Variants in HSD17B2 observed in about 807,000 individuals in gnomAD.
HSD17B2 encodes the protein hydroxysteroid 17-beta dehydrogenase 2.
Under a neutral mutation model 26.9 loss-of-function variants are expected in HSD17B2, and 32 were observed. The ratio of observed to expected loss-of-function variants is 1.19; its 90% CI spans 0.90 to 1.60. HSD17B2 has a LOEUF of 1.60. HSD17B2 is among the 40% of genes most tolerant of loss of function. The probability of loss-of-function intolerance (pLI) is 0.00; values close to 1 mark genes in which losing one functional copy is unlikely to be tolerated. For synonymous variants in HSD17B2, 246 were observed against 186.7 expected, an observed-to-expected ratio of 1.32 and a Z score of -2.59; for missense variants, 613 against 468.6, an observed-to-expected ratio of 1.31 and a Z score of -2.85.
At chr16:82,054,728 C>G (rs976384055) in intron 1 of HSD17B2, among the ~76,000 whole-genome samples, 3 of 152,322 alleles carry the variant, frequency 2.0e-5, no homozygotes, top group African/African-American at 7.2e-5. Flanking sequence ...TCTTCCCACT[C>G]CCACTTCATC....
At chr16:82,074,189 T>C (rs1198731251) in intron 3 of HSD17B2, among the ~76,000 whole-genome samples, 2 of 152,228 alleles carry the variant, frequency 1.3e-5, no homozygotes, top group Admixed American at 6.5e-5. Flanking sequence ...CTTTCTGCCC[T>C]AGTCTTTTGA....
At chr16:82,036,315 CTTG>C (rs1186395102) in intron 1 of HSD17B2, among the ~76,000 whole-genome samples, 1 of 118,414 alleles carries the variant, frequency 8.4e-6, no homozygotes, top group East Asian at 2.3e-4. Flanking sequence ...CAGTTTTTCC[CTTG>C]TTTGTGTGTG....
intron 1 of HSD17B2, among the ~76,000 whole-genome samples, chr16:82,064,231 A>G (rs1914518506): frequency 6.6e-6 from 1 of 152,190 alleles, no homozygotes; most frequent in Non-Finnish European, 1.5e-5. Context: ...AAGGAAAAGG[A>G]GTCAAGATCA....
intron 1 of HSD17B2, among the ~76,000 whole-genome samples, chr16:82,043,268 G>T (rs1294534432): frequency 6.6e-6 from 1 of 152,174 alleles, no homozygotes; most frequent in Non-Finnish European, 1.5e-5. Flanking sequence ...CCCCAGGCAG[G>T]ATCTGGCCAC....
chr16:82,035,545 C>T lies in HSD17B2; in HGVS notation c.121C>T (p.Leu41=), dbSNP rs532328439. The T allele has an allele frequency of 1.6e-5, 26 of 1,614,078 alleles. No homozygotes were observed. Among genetic ancestry groups the T allele is most frequent in the East Asian group, 1.6e-4 (7 of 44,856 alleles). ...SGQLWSWMVC[L]AGLCAVCLLI... is the part of the protein sequence containing the mutation. ...GCAGCTGTGGAGCTGGATGGTCTGC[C>T]TGGCAGGCCTCTGTGCAGTCTGCCT... The change falls in exon 1 of 5, where the codon CTG becomes TTG. Residue 41 remains leucine (L), a synonymous_variant. Transcript: ENST00000199936.
chr16:82,089,200 A>T (rs1039221720), intron 3 of HSD17B2, among the ~76,000 whole-genome samples: 16 of 152,190 alleles, frequency 1.1e-4, no homozygotes, highest in Non-Finnish European at 4.4e-5. Context: ...TGAACTTTAC[A>T]TGAAGGGAAT....
chr16:82,071,337 C>T, intron 3 of HSD17B2: 1 of 621,326 alleles, frequency 1.6e-6, no homozygotes, highest in East Asian at 2.8e-5. Context: ...TGCCTTCTAA[C>T]TCATCCATTT....
At chr16:82,041,319 G>A (rs1567576225) in intron 1 of HSD17B2, among the ~76,000 whole-genome samples, 1 of 152,168 alleles carries the variant, frequency 6.6e-6, no homozygotes, top group Admixed American at 6.5e-5. Flanking sequence ...TCGTTAGTTG[G>A]ACACAATAGG....
Position 82,071,031 on chromosome 16 carries a change from G to T in HSD17B2, c.568G>T (p.Ala190Ser), listed in dbSNP as rs757416170. 1 of 1,614,208 alleles carries T rather than the reference G, an allele frequency of 6.2e-7. No individual in the cohort carries two copies. Among genetic ancestry groups the T allele is most frequent in the East Asian group, 2.2e-5 (1 of 44,886 alleles). The change falls in exon 3 of 5, where the codon GCC becomes TCC. Residue 190 changes from alanine (A) to serine (S), a missense_variant. Transcript: ENST00000199936. ...LLMTDYKQCM[A>S]VNFFGTVEVT... ...TATGACTGACTACAAACAATGCATG[G>T]CCGTGAACTTCTTTGGAACTGTGGA...
Position 82,068,203 on chromosome 16 carries a change from A to C in HSD17B2, c.299A>C (p.Lys100Thr). 1 of 1,614,040 alleles carries C rather than the reference A, an allele frequency of 6.2e-7. No homozygotes were observed. The highest frequency in any genetic ancestry group is 8.5e-7 in the Non-Finnish European group (1 of 1,180,008). The change falls in exon 2 of 5, where the codon AAG (lysine) becomes ACG (threonine). Residue 100 changes from lysine to threonine, a missense_variant. By Grantham distance (78) the Lys-to-Thr change is moderately conservative (BLOSUM62 -1). Transcript: ENST00000199936. Reference sequence around the variant, plus strand: ...TGCGGGCTTGGCCATGCTTTGTGCAAGTATCTGGATGAGCTGGGCTTCACG... The same window carrying C: ...TGCGGGCTTGGCCATGCTTTGTGCACGTATCTGGATGAGCTGGGCTTCACG... ...GDCGLGHALCKYLDELGFTVF... is the reference protein window; with the variant it reads ...GDCGLGHALCTYLDELGFTVF...
intron 2 of HSD17B2, among the ~76,000 whole-genome samples, chr16:82,070,368 C>G (rs902091538): frequency 6.6e-6 from 1 of 152,206 alleles, no homozygotes. Context: ...CGACTTAGCA[C>G]AGACCCTCAC....
chr16:82,091,515 A>G (rs1904693973), intron 4 of HSD17B2: 1 of 166,954 alleles, frequency 6.0e-6, no homozygotes, highest in Non-Finnish European at 1.3e-5. Flanking sequence ...TTTACAATTT[A>G]AAGTTCTTTT....
intron 2 of HSD17B2, among the ~76,000 whole-genome samples, 154 bp downstream of exon 2, chr16:82,068,536 A>G (rs1034268075): frequency 1.3e-5 from 2 of 152,062 alleles, no homozygotes; most frequent in Non-Finnish European, 2.9e-5. Flanking sequence ...GGGGGCCTCT[A>G]TCAACATGAA....
intron 3 of HSD17B2, among the ~76,000 whole-genome samples, chr16:82,084,294 G>C (rs1216586846): frequency 6.6e-6 from 1 of 152,066 alleles, no homozygotes; most frequent in East Asian, 1.9e-4. Flanking sequence ...GTGTTTAACA[G>C]CATATGTGTC....
In HSD17B2 at chr16:82,088,302, C is replaced by T. The variant is rs537616739; in HGVS notation, c.665-2600C>T. 2.6e-5 allele frequency among the ~76,000 whole-genome samples: 4 copies of T among 152,264 alleles called. No individual in the cohort carries two copies. In the South Asian group the frequency reaches 8.3e-4, roughly 32 times the overall value. Reference sequence around the variant, plus strand: ...ATTATTTTGAAAAGCCTGAGTAGCACTAATGGTAGAAAGCCCTTATATGGA... The same window carrying T: ...ATTATTTTGAAAAGCCTGAGTAGCATTAATGGTAGAAAGCCCTTATATGGA... On this transcript the variant is annotated intron_variant, in intron 3 of 4. Coordinates refer to ENST00000199936, the MANE Select transcript of HSD17B2 (RefSeq NM_002153.3).
At chr16:82,041,550 G>A (rs1371603923) in intron 1 of HSD17B2, among the ~76,000 whole-genome samples, 1 of 152,194 alleles carries the variant, frequency 6.6e-6, no homozygotes, top group Non-Finnish European at 1.5e-5. Context: ...ACATCCACTG[G>A]CTTCCACCAG....
intron 3 of HSD17B2, chr16:82,071,352 C>G (rs1222712754): frequency 5.0e-6 from 3 of 594,760 alleles, no homozygotes; most frequent in Admixed American, 5.3e-5. Flanking sequence ...CCATTTGTTA[C>G]TGGGGATTTA....
chr16:82,069,341 T>C (rs986632718), intron 2 of HSD17B2, among the ~76,000 whole-genome samples: 1 of 152,208 alleles, frequency 6.6e-6, no homozygotes, highest in African/African-American at 2.4e-5. Flanking sequence ...TGATTCCATG[T>C]CTTTGCTTTT....
chr16:82,098,323 G>A lies in HSD17B2; in HGVS notation c.1051G>A (p.Ala351Thr). 1.2e-6 allele frequency: 2 copies of A among 1,614,172 alleles called. No homozygotes were observed. The highest frequency in any genetic ancestry group is 1.7e-6 in the Non-Finnish European group (2 of 1,180,016). Residue 351 changes from alanine (A) to threonine (T), a missense_variant, in exon 5 of 5, where the codon GCT becomes ACT. Ala to Thr is a moderately conservative substitution (Grantham distance 58). Coordinates refer to ENST00000199936, the MANE Select transcript of HSD17B2 (RefSeq NM_002153.3). ...GKGAYLWICL[A>T]HYLPIGIYDY... ...AGGCGCTTACTTGTGGATCTGCCTT[G>A]CTCACTATTTGCCTATTGGCATATA... is the stretch of plus-strand genomic sequence containing the variant.
Sources: allele counts gnomAD v4.1 joint callset (sites outside exome capture counted in the v4.1 genomes callset), GRCh38; gene constraint gnomAD v4.1.1; transcripts MANE v1.5; gene names NCBI Gene and HGNC (gene_info 2026-07-23, HGNC 2026-07-21).